The following KIF18A variants were observed in gnomAD, a reference collection of about 807,000 sequenced individuals.
The protein encoded by KIF18A is kinesin family member 18A.
A neutral mutation model predicts 103.3 loss-of-function variants in KIF18A; 67 were observed. The ratio of observed to expected loss-of-function variants is 0.65; its 90% CI spans 0.53 to 0.79. The LOEUF is 0.79. Ranked by LOEUF, KIF18A falls within the 30% of genes least tolerant of loss-of-function variation. The pLI is 0.00. For missense variants in KIF18A, 1,032 were observed against 1,062.5 expected (o/e 0.97, Z 0.40); for synonymous variants, 367 against 355.5 (o/e 1.03, Z -0.36).
Position 28,021,354 on chromosome 11 carries a change from T to C in KIF18A, c.2615-72A>G, listed in dbSNP as rs113174100. The C allele has an allele frequency of 1.3e-4, 147 of 1,152,764 alleles. No homozygotes were observed. The African/African-American group carries it at 1.9e-3, about 15-fold the overall frequency. The allele number at this position is 1,152,764 out of a possible 1,614,324, so 71.4% of individuals were successfully genotyped here. On this transcript the variant is annotated intron_variant, in intron 16 of 16. Coordinates refer to ENST00000263181, the MANE Select transcript of KIF18A (RefSeq NM_031217.4). Reference sequence around the variant, plus strand: ...CAAAAAGTTTTCATCGTTCAACTTATAAAAATTATGACCATAGAAAGAAAA... The same window carrying C: ...CAAAAAGTTTTCATCGTTCAACTTACAAAAATTATGACCATAGAAAGAAAA...
At chr11:28,026,833 T>C (rs1037501351) in intron 15 of KIF18A, among the ~76,000 whole-genome samples, 1 of 151,762 alleles carries the variant, frequency 6.6e-6, no homozygotes, top group African/African-American at 2.4e-5. Context: ...GTGATAAAAG[T>C]AGACGAAACA....
At chr11:28,084,885 G>A (rs1851207968) in intron 6 of KIF18A, 77 bp from the exon 7 acceptor site, 3 of 1,111,958 alleles carry the variant, frequency 2.7e-6, no homozygotes, top group Non-Finnish European at 4.0e-6. Context: ...GCACTTCACT[G>A]TGGGGGGAGG....
At chr11:28,091,848 C>G (rs779544904) in intron 3 of KIF18A, among the ~76,000 whole-genome samples, 8 of 152,088 alleles carry the variant, frequency 5.3e-5, no homozygotes, top group African/African-American at 1.9e-4. Context: ...GACGGAGTCT[C>G]GCTGTCTCCC....
intron 13 of KIF18A, among the ~76,000 whole-genome samples, chr11:28,040,121 T>C (rs993527872): frequency 2.0e-5 from 3 of 151,602 alleles, no homozygotes; most frequent in Admixed American, 1.3e-4. Flanking sequence ...ACAACTAAAT[T>C]TTACTCTGAA....
intron 13 of KIF18A, among the ~76,000 whole-genome samples, chr11:28,041,819 A>T (rs1850564325): frequency 1.3e-5 from 2 of 151,964 alleles, no homozygotes; most frequent in African/African-American, 4.8e-5. Context: ...GCTGCCTTAT[A>T]ATAAAGAGTT....
intron 1 of KIF18A, among the ~76,000 whole-genome samples, chr11:28,105,530 T>G (rs555623579): frequency 4.5e-4 from 68 of 152,168 alleles, no homozygotes; most frequent in Admixed American, 9.8e-4. Flanking sequence ...CTATCACCAT[T>G]GATGCTGTAC....
intron 2 of KIF18A, among the ~76,000 whole-genome samples, chr11:28,096,864 A>ATC (rs4029361): frequency 8.9e-4 from 131 of 147,966 alleles, no homozygotes; most frequent in African/African-American, 2.7e-3. Flanking sequence ...CATCTTGGGT[A>ATC]TCTCTCTCTC....
At chr11:28,088,808 CA>C (rs1851265449) in intron 5 of KIF18A, 87 bp from the exon 6 acceptor site, 1 of 1,011,826 alleles carries the variant, frequency 9.9e-7, no homozygotes, top group South Asian at 1.5e-5. Context: ...AGCACAAAAT[CA>C]AAATTATTTT....
chr11:28,035,917 T>C (rs949813831), intron 14 of KIF18A, among the ~76,000 whole-genome samples: 23 of 151,606 alleles, frequency 1.5e-4, no homozygotes, highest in African/African-American at 5.5e-4. Context: ...ATAATAAACA[T>C]GATAATCCTC....
At chr11:28,086,235 A>T (rs1851227354) in intron 6 of KIF18A, among the ~76,000 whole-genome samples, 1 of 152,158 alleles carries the variant, frequency 6.6e-6, no homozygotes, top group Non-Finnish European at 1.5e-5. Flanking sequence ...GTCCTATACA[A>T]ATATACTAGA....
chr11:28,081,915 G>A (rs1240441025), intron 9 of KIF18A, among the ~76,000 whole-genome samples: 3 of 152,064 alleles, frequency 2.0e-5, no homozygotes, highest in Non-Finnish European at 4.4e-5. Flanking sequence ...TAGGAATTTG[G>A]AGGAAGTAGA....
chr11:28,089,001 C>G (rs1851268291), intron 5 of KIF18A, among the ~76,000 whole-genome samples: 2 of 152,176 alleles, frequency 1.3e-5, no homozygotes, highest in Non-Finnish European at 2.9e-5. Flanking sequence ...CCCCTTGAAC[C>G]AGGACATGGA....
intron 10 of KIF18A, among the ~76,000 whole-genome samples, chr11:28,070,536 G>C (rs928495887): frequency 1.4e-4 from 22 of 152,184 alleles, no homozygotes; most frequent in Non-Finnish European, 2.9e-4. Flanking sequence ...ATAGTTGATA[G>C]CCACCGTCAT....
In KIF18A at chr11:28,036,410, T is replaced by G; in HGVS notation, c.2203A>C (p.Ile735Leu). The G allele has an allele frequency of 6.2e-7, 1 of 1,610,668 alleles. No homozygotes were observed. The highest frequency in any genetic ancestry group is 8.5e-7 in the Non-Finnish European group (1 of 1,177,934). Residue 735 changes from isoleucine (I) to leucine (L), a missense_variant, in exon 14 of 17, where the codon ATC (isoleucine) becomes CTC (leucine). By Grantham distance (5) the Ile-to-Leu change is conservative (BLOSUM62 2). Coordinates refer to ENST00000263181, the MANE Select transcript of KIF18A (RefSeq NM_031217.4). ...PSSFTTSFQA[I>L]SSNINSDNCL... ...TTATCACTGTTTATGTTTGAGCTGA[T>G]AGCCTGAAAACTTGTAGTAAATGAT...
chr11:28,065,311 C>G (rs1850904224), intron 11 of KIF18A, among the ~76,000 whole-genome samples: 1 of 151,926 alleles, frequency 6.6e-6, no homozygotes, highest in Non-Finnish European at 1.5e-5. Context: ...ATAATTTTCT[C>G]AGCTATTTTT....
chr11:28,024,260 T>C (rs572373891), intron 15 of KIF18A, among the ~76,000 whole-genome samples: 15 of 149,216 alleles, frequency 1.0e-4, no homozygotes, highest in Admixed American at 1.0e-3. Context: ...GTGAAAGGTA[T>C]AAACAAGTGA....
At chr11:28,070,509 T>G (rs1479877988) in intron 10 of KIF18A, among the ~76,000 whole-genome samples, 1 of 152,024 alleles carries the variant, frequency 6.6e-6, no homozygotes, top group Non-Finnish European at 1.5e-5. Flanking sequence ...CAGGCTAGAG[T>G]CATAGATAAG....
intron 11 of KIF18A, among the ~76,000 whole-genome samples, chr11:28,066,275 C>T (rs146164842): frequency 6.6e-6 from 1 of 151,888 alleles, no homozygotes; most frequent in Non-Finnish European, 1.5e-5. Context: ...GCTACCAATC[C>T]AAGAGAATCA....
chr11:28,071,828 G>A (rs1292995473), intron 10 of KIF18A, among the ~76,000 whole-genome samples: 1 of 152,092 alleles, frequency 6.6e-6, no homozygotes, highest in Non-Finnish European at 1.5e-5. Context: ...AAATGAAGAT[G>A]AAAATATTGT....
Sources: allele counts gnomAD v4.1 joint callset (sites outside exome capture counted in the v4.1 genomes callset), GRCh38; gene constraint gnomAD v4.1.1; transcripts MANE v1.5; gene names NCBI Gene and HGNC (gene_info 2026-07-23, HGNC 2026-07-21).